Variants in DAB1 observed in about 807,000 individuals in gnomAD.
DAB1 encodes the protein disabled homolog 1.
Under a neutral mutation model 64.6 loss-of-function variants are expected in DAB1, and 15 were observed. The ratio of observed to expected loss-of-function variants is 0.23; its 90% confidence interval spans 0.16 to 0.36. The LOEUF is 0.36. Among genes scored for constraint, DAB1 ranks in the 10% least tolerant of loss-of-function variants. The pLI, the probability that DAB1 is intolerant of heterozygous loss-of-function variation, is 1.00. For missense variants in DAB1, 596 were observed against 706.7 expected (o/e 0.84, Z 1.78); for synonymous variants, 235 against 251.9 (o/e 0.93, Z 0.64).
chr1:57,264,399 A>G (rs1190936147), intron 2 of DAB1, among the ~76,000 whole-genome samples: 1 of 152,246 alleles, frequency 6.6e-6, no homozygotes, highest in Non-Finnish European at 1.5e-5. Flanking sequence ...AATAAGGTGA[A>G]TAAATGAGAG....
rs144585596 is a variant in DAB1, at chr1:57,774,932, T to G, written n.551+109067A>C. On this transcript the variant is annotated intron_variant and non_coding_transcript_variant, in intron 6 of 20. Coordinates refer to the DAB1 transcript ENST00000485760. ...TTGGAAGAAAGTTTATTATTATAAA[T>G]TTAATATCTTTAGTACATATTGAAC... 3.8e-3 allele frequency among the ~76,000 whole-genome samples: 578 copies of G among 151,786 alleles called. 2 individuals carry two copies. The highest frequency in any genetic ancestry group is 0.013 in the African/African-American group (551 of 41,526).
chr1:57,286,521 T>C (rs146927260), intron 2 of DAB1, among the ~76,000 whole-genome samples: 26 of 152,356 alleles, frequency 1.7e-4, no homozygotes, highest in Non-Finnish European at 2.5e-4. Flanking sequence ...TTGTTAATAG[T>C]AGTTATTTTT....
intron 6 of DAB1, among the ~76,000 whole-genome samples, chr1:57,753,187 A>G (rs1187374998): frequency 6.6e-6 from 1 of 152,146 alleles, no homozygotes; most frequent in Non-Finnish European, 1.5e-5. Flanking sequence ...TCAACATGAC[A>G]TTTAACATAG....
intron 6 of DAB1, among the ~76,000 whole-genome samples, chr1:57,651,165 A>G (rs886775359): frequency 3.9e-5 from 6 of 152,162 alleles, no homozygotes; most frequent in Non-Finnish European, 8.8e-5. Flanking sequence ...ACAAAAAAAA[A>G]AAGATCTTAT....
intron 7 of DAB1, among the ~76,000 whole-genome samples, chr1:57,606,389 T>TATATATAC (rs1553199436): frequency 7.5e-6 from 1 of 133,566 alleles, no homozygotes; most frequent in Admixed American, 8.9e-5. Flanking sequence ...TATATATATA[T>TATATATAC]ATACACATTA....
chr1:57,767,803 C>CG (rs1649382573), intron 6 of DAB1, among the ~76,000 whole-genome samples: 1 of 152,058 alleles, frequency 6.6e-6, no homozygotes, highest in Non-Finnish European at 1.5e-5. Flanking sequence ...AATCAATACC[C>CG]TATGCTTTAG....
intron 3 of DAB1, among the ~76,000 whole-genome samples, chr1:58,489,028 C>T (rs1223217344): frequency 6.6e-6 from 1 of 152,362 alleles, no homozygotes; most frequent in South Asian, 2.1e-4. Flanking sequence ...ACGCAGAAGA[C>T]GAACGATTTC....
chr1:57,281,629 A>T (rs998792904), intron 2 of DAB1, among the ~76,000 whole-genome samples: 5 of 152,098 alleles, frequency 3.3e-5, no homozygotes, highest in Non-Finnish European at 5.9e-5. Flanking sequence ...AGGAGGAGCC[A>T]CTCACTGAAG....
intron 7 of DAB1, among the ~76,000 whole-genome samples, chr1:57,438,501 A>G (rs1685783468): frequency 6.6e-6 from 1 of 152,176 alleles, no homozygotes; most frequent in African/African-American, 2.4e-5. Flanking sequence ...CTGGTCACTC[A>G]TATTTGCAAA....
At chr1:57,165,066 C>G (rs1413374031) in intron 2 of DAB1, among the ~76,000 whole-genome samples, 1 of 152,124 alleles carries the variant, frequency 6.6e-6, no homozygotes, top group Admixed American at 6.6e-5. Flanking sequence ...TGCAATACAG[C>G]CATAAAAAGA....
chr1:57,528,365 C>T (rs1217334606), intron 7 of DAB1, among the ~76,000 whole-genome samples: 1 of 151,910 alleles, frequency 6.6e-6, no homozygotes, highest in Non-Finnish European at 1.5e-5. Context: ...TAAACAGAGC[C>T]TCAGTGACCT....
At chr1:58,440,864 T>C (rs1645000480) in intron 3 of DAB1, among the ~76,000 whole-genome samples, 1 of 151,980 alleles carries the variant, frequency 6.6e-6, no homozygotes, top group Admixed American at 6.6e-5. Context: ...TCTGGAGAGG[T>C]GCAAAGAGCA....
intron 7 of DAB1, among the ~76,000 whole-genome samples, chr1:57,619,646 C>A (rs1276374318): frequency 2.0e-5 from 3 of 152,148 alleles, no homozygotes; most frequent in Non-Finnish European, 4.4e-5. Flanking sequence ...AAGTGTTTCT[C>A]CCCGCTTGGC....
intron 5 of DAB1, among the ~76,000 whole-genome samples, chr1:57,934,574 CATT>C (rs1644999763): frequency 6.6e-6 from 1 of 152,124 alleles, no homozygotes; most frequent in African/African-American, 2.4e-5. Flanking sequence ...AAATACCTAG[CATT>C]TAACTTGATC....
upstream of DAB1, among the ~76,000 whole-genome samples, chr1:57,425,083 C>G (rs559265245): frequency 1.3e-5 from 2 of 152,294 alleles, no homozygotes; most frequent in South Asian, 4.2e-4. Flanking sequence ...CTAGATTCAA[C>G]TCCAGAAAAT....
At chr1:57,606,002 G>C in intron 7 of DAB1, 1 of 664,216 alleles carries the variant, frequency 1.5e-6, no homozygotes, top group Non-Finnish European at 2.8e-6. Flanking sequence ...TCACCACAAG[G>C]AGTTTTTCTT....
intron 2 of DAB1, among the ~76,000 whole-genome samples, chr1:57,269,621 C>T (rs1348246016): frequency 6.6e-6 from 1 of 152,122 alleles, no homozygotes; most frequent in African/African-American, 2.4e-5. Context: ...GTAGGATATT[C>T]AGATTTACGC....
intron 3 of DAB1, among the ~76,000 whole-genome samples, chr1:58,402,866 C>T (rs762507047): frequency 6.6e-6 from 1 of 152,178 alleles, no homozygotes; most frequent in African/African-American, 2.4e-5. Flanking sequence ...TCAAATACCC[C>T]CATGAGGAAT....
chr1:58,187,197 GC>G (rs1212766888), intron 4 of DAB1, among the ~76,000 whole-genome samples: 1 of 151,644 alleles, frequency 6.6e-6, no homozygotes, highest in African/African-American at 2.4e-5. Context: ...AGCGGCTCAT[GC>G]CTATAATCCC....
Sources: allele counts gnomAD v4.1 joint callset (sites outside exome capture counted in the v4.1 genomes callset), GRCh38; gene constraint gnomAD v4.1.1; transcripts MANE v1.5; gene names NCBI Gene and HGNC (gene_info 2026-07-23, HGNC 2026-07-21).